The following CSMD1 variants were observed in gnomAD, a reference collection of about 807,000 sequenced individuals.
CSMD1 encodes CUB and Sushi multiple domains 1.
Under a neutral mutation model 417.5 loss-of-function variants are expected in CSMD1, and 213 were observed. The ratio of observed to expected loss-of-function variants is 0.51; its 90% CI spans 0.46 to 0.57. CSMD1 has a LOEUF of 0.57. Ranked by LOEUF, CSMD1 falls within the 20% of genes least tolerant of loss-of-function variation. CSMD1 has a pLI of 0.00. For missense variants in CSMD1, 6,923 were observed against 4,529.7 expected (o/e 1.53, Z -15.17); for synonymous variants, 2,862 against 1,736.8 (o/e 1.65, Z -16.11).
At chr8:3,419,241 G>A (rs1455641470) in intron 12 of CSMD1, among the ~76,000 whole-genome samples, 2 of 152,148 alleles carry the variant, frequency 1.3e-5, no homozygotes, top group Admixed American at 6.5e-5. Flanking sequence ...ATACTATCAG[G>A]CTTACAATCT....
chr8:4,468,004 T>C (rs1247920895), intron 2 of CSMD1, among the ~76,000 whole-genome samples: 7 of 152,220 alleles, frequency 4.6e-5, no homozygotes, highest in African/African-American at 1.4e-4. Flanking sequence ...TGTAGATTTG[T>C]GTAGTGATAA....
intron 26 of CSMD1, among the ~76,000 whole-genome samples, chr8:3,252,692 G>A (rs1349802586): frequency 2.0e-5 from 3 of 152,088 alleles, no homozygotes. Flanking sequence ...ATCTGGTCCT[G>A]GACTTTTTTT....
At chr8:3,458,196 A>G (rs935645909) in intron 12 of CSMD1, among the ~76,000 whole-genome samples, 1 of 152,176 alleles carries the variant, frequency 6.6e-6, no homozygotes, top group African/African-American at 2.4e-5. Flanking sequence ...GGGAGAGTGC[A>G]ATGTAGCTGG....
chr8:3,175,494 TGCCTGCCTG>T (rs1563111618), intron 37 of CSMD1, among the ~76,000 whole-genome samples: 2 of 115,784 alleles, frequency 1.7e-5, no homozygotes, highest in African/African-American at 6.6e-5. Flanking sequence ...CCTGCCTGCC[TGCCTGCCTG>T]CCTGCCTTTT....
intron 10 of CSMD1, among the ~76,000 whole-genome samples, chr8:3,561,440 A>T (rs145312068): frequency 2.1e-4 from 31 of 149,928 alleles, no homozygotes; most frequent in African/African-American, 7.5e-4. Context: ...CACCATGGAT[A>T]CCACACAATC....
chr8:4,243,768 T>C (rs1381372560), intron 3 of CSMD1, among the ~76,000 whole-genome samples: 3 of 152,206 alleles, frequency 2.0e-5, no homozygotes, highest in African/African-American at 7.2e-5. Context: ...CATTCTAGTA[T>C]TCAACGAGGA....
At chr8:3,821,350 G>C (rs920151500) in intron 5 of CSMD1, among the ~76,000 whole-genome samples, 6 of 152,184 alleles carry the variant, frequency 3.9e-5, no homozygotes, top group African/African-American at 1.4e-4. Context: ...AGATGCATGA[G>C]ACCCGTCTAA....
chr8:3,164,097 A>G (rs1820065243), intron 37 of CSMD1, among the ~76,000 whole-genome samples: 1 of 152,136 alleles, frequency 6.6e-6, no homozygotes, highest in Non-Finnish European at 1.5e-5. Flanking sequence ...GTTTCCCCAA[A>G]TCTGAGAGGG....
chr8:3,794,131 G>A (rs540356425), intron 5 of CSMD1, among the ~76,000 whole-genome samples: 4 of 152,190 alleles, frequency 2.6e-5, no homozygotes, highest in African/African-American at 7.2e-5. Context: ...CTAATGAACC[G>A]GTGTTTGTGT....
chr8:3,910,916 C>G, intron 5 of CSMD1, among the ~76,000 whole-genome samples: 1 of 152,154 alleles, frequency 6.6e-6, no homozygotes, highest in East Asian at 1.9e-4. Flanking sequence ...AGTATCTACA[C>G]AGAACTGTTA....
intron 17 of CSMD1, among the ~76,000 whole-genome samples, chr8:3,391,369 T>G (rs1811339023): frequency 6.6e-6 from 1 of 152,228 alleles, no homozygotes; most frequent in Admixed American, 6.5e-5. Context: ...GCTCTAAAAT[T>G]AAATGGAAAA....
intron 6 of CSMD1, among the ~76,000 whole-genome samples, chr8:3,720,554 T>G (rs1802094685): frequency 6.6e-6 from 1 of 151,508 alleles, no homozygotes; most frequent in Non-Finnish European, 1.5e-5. Flanking sequence ...GCTAACCTTC[T>G]TAAACAGGGG....
At chr8:3,154,289 G>A (rs1819380902) in intron 39 of CSMD1, among the ~76,000 whole-genome samples, 1 of 152,214 alleles carries the variant, frequency 6.6e-6, no homozygotes, top group Admixed American at 6.5e-5. Context: ...GACATTTTAA[G>A]GCGACTGGGC....
At chr8:3,602,736 C>T (rs552963586) in intron 8 of CSMD1, among the ~76,000 whole-genome samples, 2 of 152,006 alleles carry the variant, frequency 1.3e-5, no homozygotes, top group Admixed American at 1.3e-4. Flanking sequence ...CACACACACA[C>T]ACACACACAC....
chr8:3,042,188 T>C (rs1029607711), intron 50 of CSMD1, among the ~76,000 whole-genome samples: 1 of 152,148 alleles, frequency 6.6e-6, no homozygotes, highest in Non-Finnish European at 1.5e-5. Context: ...ACTGACTTTT[T>C]GGCCTGAACT....
intron 5 of CSMD1, among the ~76,000 whole-genome samples, chr8:3,833,662 A>C (rs187661817): frequency 5.3e-5 from 8 of 152,112 alleles, no homozygotes; most frequent in African/African-American, 1.9e-4. Context: ...GTATGGGACA[A>C]CTTTAAAAAT....
chr8:3,224,253 C>T (rs1202847754), intron 27 of CSMD1, among the ~76,000 whole-genome samples: 1 of 152,224 alleles, frequency 6.6e-6, no homozygotes, highest in South Asian at 2.1e-4. Context: ...ATCCCATGGA[C>T]ATGATTTTAT....
Position 3,343,396 on chromosome 8 carries a change from C to T in CSMD1, c.3529G>A (p.Glu1177Lys). 6.2e-7 allele frequency: 1 copy of T among 1,613,830 alleles called. No individual in the cohort carries two copies. Among genetic ancestry groups the T allele is most frequent in the Non-Finnish European group, 8.5e-7 (1 of 1,179,764 alleles). Residue 1177 changes from glutamate to lysine, a missense_variant, in exon 23 of 70, where the codon GAA becomes AAA. Coordinates refer to ENST00000635120, the MANE Select transcript of CSMD1 (RefSeq NM_033225.6). ...CTGTTTAGGATCAGCCCCAGAAGTTCATTTTTAGTGAACGTGCCCAGTGGA... is the reference window on the plus strand; with the variant it reads ...CTGTTTAGGATCAGCCCCAGAAGTTTATTTTTAGTGAACGTGCCCAGTGGA... ...SRPLGTFTKN[E>K]LLGLILNSTS...
intron 1 of CSMD1, among the ~76,000 whole-genome samples, chr8:4,914,960 G>C (rs554307370): frequency 1.3e-5 from 2 of 152,138 alleles, no homozygotes; most frequent in Non-Finnish European, 2.9e-5. Context: ...ATGATGAAAC[G>C]CATTCCGTTT....
Sources: allele counts gnomAD v4.1 joint callset (sites outside exome capture counted in the v4.1 genomes callset), GRCh38; gene constraint gnomAD v4.1.1; transcripts MANE v1.5; gene names NCBI Gene and HGNC (gene_info 2026-07-23, HGNC 2026-07-21).